GLT1D1: variants seen among roughly 807,000 people sequenced by gnomAD.
GLT1D1 encodes the protein glycosyltransferase 1 domain containing 1.
GLT1D1 carries 21 observed loss-of-function variants against 28.7 expected under a neutral mutation model. The observed-to-expected ratio is 0.73, with a 90% CI of 0.52 to 1.05. The LOEUF (loss-of-function observed/expected upper bound fraction) is 1.05, where lower values mean the gene tolerates loss of function less well. Ranked by LOEUF, GLT1D1 falls within the 50% of genes least tolerant of loss-of-function variation. The probability of loss-of-function intolerance (pLI) is 0.00; values close to 1 mark genes in which losing one functional copy is unlikely to be tolerated. For synonymous variants in GLT1D1, 147 were observed against 124.8 expected (o/e 1.18, Z -1.19); for missense variants, 343 against 330.6 (o/e 1.04, Z -0.29).
rs145861012 is a variant in GLT1D1, at chr12:128,981,336, C to T, written c.640-1593C>T. On this transcript the variant is annotated intron_variant, in intron 7 of 7. Coordinates refer to ENST00000281703, the MANE Select transcript of GLT1D1 (RefSeq NM_144669.3). ...CATTCTGTAGGAATAGTAAGCAGAG[C>T]GGGGAAGGAGGGGGTTGGGTTTCCA... is the stretch of plus-strand genomic sequence containing the variant. 5.3e-5 allele frequency among the ~76,000 whole-genome samples: 8 copies of T among 152,172 alleles called. No homozygotes were observed. In the East Asian group the frequency reaches 7.7e-4, roughly 15 times the overall value.
chr12:128,960,296 G>A (rs12816395), intron 7 of GLT1D1, among the ~76,000 whole-genome samples: 17,529 of 151,910 alleles, frequency 0.12, 1,239 homozygotes, highest in East Asian at 0.18. Flanking sequence ...AGTCTGGTTT[G>A]GTTTTCTTTA....
At chr12:128,931,463 A>G (rs146488556) in intron 4 of GLT1D1, among the ~76,000 whole-genome samples, 123 of 149,712 alleles carry the variant, frequency 8.2e-4, no homozygotes, top group Non-Finnish European at 1.6e-3. Context: ...GCCTACCACT[A>G]CGTCCGGCAA....
intron 1 of GLT1D1, among the ~76,000 whole-genome samples, chr12:128,866,849 G>C (rs1400395421): frequency 6.6e-6 from 1 of 151,440 alleles, no homozygotes; most frequent in African/African-American, 2.4e-5. Context: ...TTGAACTCCT[G>C]ACCTCAGGTC....
chr12:128,934,863 G>C (rs112319693), intron 4 of GLT1D1, among the ~76,000 whole-genome samples: 1 of 152,184 alleles, frequency 6.6e-6, no homozygotes, highest in South Asian at 2.1e-4. Flanking sequence ...CTTCAAGGAC[G>C]GGGTCCAGGA....
At chr12:128,876,573 C>T (rs1217897909) in intron 2 of GLT1D1, among the ~76,000 whole-genome samples, 3 of 152,148 alleles carry the variant, frequency 2.0e-5, no homozygotes, top group Non-Finnish European at 4.4e-5. Flanking sequence ...TCCTCAGCCT[C>T]CCAAAGTGCT....
chr12:128,957,138 G>T (rs1877391291), intron 6 of GLT1D1, among the ~76,000 whole-genome samples: 1 of 152,190 alleles, frequency 6.6e-6, no homozygotes. Flanking sequence ...GCTGAGTTTG[G>T]TTTTTGTGGC....
At chr12:128,898,650 A>G (rs1869910408) in intron 3 of GLT1D1, among the ~76,000 whole-genome samples, 1 of 152,256 alleles carries the variant, frequency 6.6e-6, no homozygotes, top group Non-Finnish European at 1.5e-5. Flanking sequence ...GGAGCTTCCC[A>G]TCTAAGAATG....
At chr12:128,921,450 G>A (rs1872646331) in intron 4 of GLT1D1, among the ~76,000 whole-genome samples, 1 of 151,842 alleles carries the variant, frequency 6.6e-6, no homozygotes, top group African/African-American at 2.4e-5. Flanking sequence ...GAAGTGGCTT[G>A]CATGTAGTCA....
At chr12:128,919,344 G>A (rs1222917398) in intron 4 of GLT1D1, among the ~76,000 whole-genome samples, 2 of 152,176 alleles carry the variant, frequency 1.3e-5, no homozygotes, top group African/African-American at 2.4e-5. Flanking sequence ...GAAATCAGGG[G>A]GAGTGGGTGG....
chr12:128,962,064 C>T (rs955951939), intron 7 of GLT1D1, among the ~76,000 whole-genome samples: 1 of 129,358 alleles, frequency 7.7e-6, no homozygotes, highest in Non-Finnish European at 1.7e-5. Flanking sequence ...ATGGCGGCCC[C>T]ATGTCTGTGC....
At chr12:128,941,603 C>T (rs1875260213) in intron 4 of GLT1D1, among the ~76,000 whole-genome samples, 2 of 124,594 alleles carry the variant, frequency 1.6e-5, no homozygotes, top group Non-Finnish European at 3.2e-5. Flanking sequence ...GACAGAGTCT[C>T]ACTCTGTTAC....
intron 1 of GLT1D1, among the ~76,000 whole-genome samples, chr12:128,866,065 AC>A (rs1164790914): frequency 7.0e-6 from 1 of 141,980 alleles, no homozygotes; most frequent in African/African-American, 2.6e-5. Context: ...GGGTGATTGT[AC>A]CTTTTTTTTT....
At chr12:128,931,917 G>GCACGCACGCACACA (rs1368012620) in intron 4 of GLT1D1, among the ~76,000 whole-genome samples, 310 of 141,100 alleles carry the variant, frequency 2.2e-3, no homozygotes, top group African/African-American at 7.4e-3. Flanking sequence ...ACACACGCAC[G>GCACGCACGCACACA]CACACACACA....
At chr12:128,944,749 G>T (rs1477861919) in intron 4 of GLT1D1, 1 of 544,678 alleles carries the variant, frequency 1.8e-6, no homozygotes. Flanking sequence ...CATCATTTGG[G>T]ATGAGTTTCC....
At chr12:128,897,456 G>T (rs1869771166) in intron 3 of GLT1D1, among the ~76,000 whole-genome samples, 1 of 151,838 alleles carries the variant, frequency 6.6e-6, no homozygotes, top group Non-Finnish European at 1.5e-5. Context: ...CCCTGCCTGT[G>T]GTATCCAATA....
chr12:128,909,996 G>A (rs565048053), intron 4 of GLT1D1, among the ~76,000 whole-genome samples: 4 of 152,238 alleles, frequency 2.6e-5, no homozygotes, highest in South Asian at 2.1e-4. Context: ...TATAGAAAAT[G>A]TTTTTCAAAA....
At chr12:128,855,686 G>T (rs1356334376) in intron 1 of GLT1D1, among the ~76,000 whole-genome samples, 1 of 146,346 alleles carries the variant, frequency 6.8e-6, no homozygotes, top group Non-Finnish European at 1.5e-5. Context: ...TATTAAGAAA[G>T]TAAAAAAATA....
intron 7 of GLT1D1, among the ~76,000 whole-genome samples, chr12:128,964,000 C>T (rs1223467954): frequency 6.6e-6 from 1 of 152,228 alleles, no homozygotes; most frequent in Non-Finnish European, 1.5e-5. Context: ...GTCCTAGAGG[C>T]TGCAAGTCCA....
intron 2 of GLT1D1, among the ~76,000 whole-genome samples, chr12:128,887,717 T>A (rs2135826614): frequency 6.6e-6 from 1 of 152,268 alleles, no homozygotes; most frequent in East Asian, 1.9e-4. Flanking sequence ...ATCTGCTAAT[T>A]TACATGACAA....
Sources: allele counts gnomAD v4.1 joint callset (sites outside exome capture counted in the v4.1 genomes callset), GRCh38; gene constraint gnomAD v4.1.1; transcripts MANE v1.5; gene names NCBI Gene and HGNC (gene_info 2026-07-23, HGNC 2026-07-21).